The following TM2D3 variants were observed in gnomAD, a reference collection of about 807,000 sequenced individuals.
The protein encoded by TM2D3 is TM2 domain-containing protein 3.
Under a neutral mutation model 27.3 loss-of-function variants are expected in TM2D3, and 33 were observed. The observed-to-expected ratio is 1.21, with a 90% confidence interval of 0.92 to 1.61. The LOEUF (loss-of-function observed/expected upper bound fraction) is 1.61, where lower values mean the gene tolerates loss of function less well. Ranked by LOEUF, TM2D3 falls within the 40% of genes most tolerant of loss-of-function variation. The pLI, the probability that TM2D3 is intolerant of heterozygous loss-of-function variation, is 0.00. For missense variants in TM2D3, 364 were observed against 320.8 expected, an observed-to-expected ratio of 1.13 and a Z score of -1.03; for synonymous variants, 138 against 122.2, an observed-to-expected ratio of 1.13 and a Z score of -0.85.
intron 3 of TM2D3, among the ~76,000 whole-genome samples, chr15:101,647,924 G>C (rs941951666): frequency 4.0e-5 from 6 of 151,548 alleles, no homozygotes; most frequent in Non-Finnish European, 8.8e-5. Flanking sequence ...TTGAGATGGA[G>C]TCTCGCTCTG....
At chr15:101,650,272 A>C (rs1035343020) in intron 2 of TM2D3, 111 bp from the exon 3 acceptor site, 15 of 1,107,576 alleles carry the variant, frequency 1.4e-5, no homozygotes, top group Admixed American at 2.5e-5. Context: ...ACTGCACTGG[A>C]AGGGAAGAAG....
chr15:101,646,994 A>G, intron 3 of TM2D3, 95 bp from the exon 4 acceptor site: 1 of 1,382,996 alleles, frequency 7.2e-7, no homozygotes, highest in Non-Finnish European at 1.0e-6. Context: ...AAAATTCCGT[A>G]AATGCTTGTA....
At chr15:101,634,104 C>T (rs144287186) in intron 4 of TM2D3, 11 of 161,674 alleles carry the variant, frequency 6.8e-5, no homozygotes, top group East Asian at 1.7e-4. Context: ...GATAGAGGAA[C>T]GAAAAATCGA....
At chr15:101,644,013 C>T (rs938447177) in intron 5 of TM2D3, among the ~76,000 whole-genome samples, 1 of 151,956 alleles carries the variant, frequency 6.6e-6, no homozygotes, top group Non-Finnish European at 1.5e-5. Context: ...CGATGGCAGG[C>T]TTTTGTATTT....
At chr15:101,647,498 T>C (rs575022790) in intron 3 of TM2D3, among the ~76,000 whole-genome samples, 5 of 152,336 alleles carry the variant, frequency 3.3e-5, no homozygotes, top group African/African-American at 1.2e-4. Context: ...GTGGCATGTT[T>C]AATCCAGAGG....
rs377326054 is a variant in TM2D3, at chr15:101,652,310, G to C, written c.52C>G (p.Leu18Val). ...ATGCAGAACTGCGAGAGGAAGAGCA[G>C]CACGCGACACAAGGCGCGGAGGCCC... is the stretch of plus-strand genomic sequence containing the variant. ...LRGLRALCRVLLFLSQFCILS... is the reference protein window; with the variant it reads ...LRGLRALCRVVLFLSQFCILS... The change falls in exon 1 of 6, where the codon CTG becomes GTG. Residue 18 changes from leucine to valine, a missense_variant. Leu to Val is a conservative substitution (Grantham distance 32). Transcript: ENST00000333202. 5 of 1,603,206 alleles carry C rather than the reference G, an allele frequency of 3.1e-6. No homozygotes were observed. Among genetic ancestry groups the C allele is most frequent in the Non-Finnish European group, 4.3e-6 (5 of 1,175,490 alleles).
At chr15:101,635,745 C>T (rs1257755074) in intron 4 of TM2D3, 2 of 152,148 alleles carry the variant, frequency 1.3e-5, no homozygotes, top group African/African-American at 4.8e-5. Flanking sequence ...GGGTGCATGC[C>T]ACATAGGGGC....
rs747787074 is a variant in TM2D3 at position 101,652,330 on chromosome 15, A to G, written c.32T>C (p.Leu11Pro). 6 of 1,602,062 alleles carry G rather than the reference A, an allele frequency of 3.7e-6. No homozygotes were observed. The South Asian group carries it at 4.4e-5, about 12-fold the overall frequency. The change falls in exon 1 of 6, where the codon CTC becomes CCC. Residue 11 changes from leucine (L) to proline (P), a missense_variant. Transcript: ENST00000333202. MAGGVLPLRGLRALCRVLLFL... is the reference protein window; with the variant it reads MAGGVLPLRGPRALCRVLLFL... Reference sequence around the variant, plus strand: ...GAGCAGCACGCGACACAAGGCGCGGAGGCCCCTCAGCGGGAGCACCCCTCC... The same window carrying G: ...GAGCAGCACGCGACACAAGGCGCGGGGGCCCCTCAGCGGGAGCACCCCTCC...
intron 2 of TM2D3, chr15:101,651,016 T>C (rs1896952931): frequency 6.6e-6 from 1 of 152,400 alleles, no homozygotes; most frequent in African/African-American, 2.4e-5. Flanking sequence ...CACTTTAAAG[T>C]GATGAAATTA....
chr15:101,639,770 T>C (rs1896627078), downstream of TM2D3, among the ~76,000 whole-genome samples: 1 of 152,186 alleles, frequency 6.6e-6, no homozygotes, highest in Admixed American at 6.5e-5. Context: ...TTTCTATATA[T>C]TATCTCCTTG....
intron 4 of TM2D3, chr15:101,634,429 A>C (rs574573106): frequency 6.6e-6 from 1 of 152,250 alleles, no homozygotes; most frequent in East Asian, 2.0e-4. Context: ...GCAAGACTCC[A>C]TCTCAAACAA....
intron 5 of TM2D3, 93 bp from the exon 6 acceptor site, chr15:101,642,737 A>G: frequency 9.0e-7 from 1 of 1,116,772 alleles, no homozygotes; most frequent in Non-Finnish European, 1.2e-6. Context: ...CAGATTTGAG[A>G]AAGGGCTTCC....
rs183965316 is a variant in TM2D3, at chr15:101,649,740, C to T, written c.327+264G>A. Among the ~76,000 whole-genome samples the T allele has an allele frequency of 6.4e-3, 974 of 152,304 alleles. 8 individuals carry two copies. The highest frequency in any genetic ancestry group is 0.01 in the Non-Finnish European group (689 of 68,030). On this transcript the variant is annotated intron_variant, in intron 3 of 5. Transcript: ENST00000333202. ...CTAGTAGACTGAGATCTTCTCCAGT[C>T]CTACAAAGCAACATTTCTGTCAAGT...
intron 2 of TM2D3, chr15:101,651,093 G>A (rs1432386540): frequency 6.5e-6 from 1 of 152,708 alleles, no homozygotes; most frequent in Non-Finnish European, 1.5e-5. Context: ...TTTACTCACT[G>A]TATTAAGGAA....
intron 4 of TM2D3, 150 bp downstream of exon 4, chr15:101,646,575 T>C: frequency 2.6e-6 from 2 of 754,936 alleles, no homozygotes; most frequent in Non-Finnish European, 2.2e-6. Context: ...TTTAGTACGT[T>C]GAGTTTATTG....
intron 5 of TM2D3, among the ~76,000 whole-genome samples, chr15:101,644,289 G>C (rs1377233669): frequency 6.6e-6 from 1 of 152,100 alleles, no homozygotes; most frequent in East Asian, 1.9e-4. Flanking sequence ...TTGTCCCCTA[G>C]GGGACACCTG....
chr15:101,643,635 A>C (rs1896729046), intron 5 of TM2D3, among the ~76,000 whole-genome samples: 1 of 150,028 alleles, frequency 6.7e-6, no homozygotes, highest in South Asian at 2.1e-4. Context: ...AAAAAAAAAA[A>C]AAAACCATGT....
intron 3 of TM2D3, among the ~76,000 whole-genome samples, chr15:101,649,754 T>C (rs1896919815): frequency 6.6e-6 from 1 of 152,222 alleles, no homozygotes; most frequent in Non-Finnish European, 1.5e-5. Flanking sequence ...CAAAGCAACA[T>C]TTCTGTCAAG....
downstream of TM2D3, among the ~76,000 whole-genome samples, chr15:101,641,276 C>G (rs936946868): frequency 4.6e-5 from 7 of 151,534 alleles, no homozygotes; most frequent in African/African-American, 1.7e-4. Flanking sequence ...TCCTCGTAAA[C>G]AAAACAAAAC....
Sources: gnomAD v4.1 joint callset for allele counts (sites outside exome capture counted in the v4.1 genomes callset) on GRCh38, gnomAD v4.1.1 for gene constraint, MANE v1.5 for transcripts, NCBI Gene and HGNC (gene_info 2026-07-23, HGNC 2026-07-21) for gene names.